Variants in GSTCD observed in about 807,000 individuals in gnomAD.
GSTCD encodes glutathione S-transferase C-terminal domain-containing protein.
GSTCD carries 44 observed loss-of-function variants against 68.3 expected under a neutral mutation model. The observed-to-expected ratio is 0.64, with a 90% confidence interval of 0.51 to 0.83. The LOEUF is 0.83. GSTCD is among the 40% of genes least tolerant of loss of function. The pLI is 0.00. For missense variants in GSTCD, 739 were observed against 735.9 expected, an observed-to-expected ratio of 1.00 and a Z score of -0.05; for synonymous variants, 273 against 255.2, an observed-to-expected ratio of 1.07 and a Z score of -0.67.
chr4:105,748,646 A>C (rs369132055), intron 5 of GSTCD, among the ~76,000 whole-genome samples: 5 of 152,086 alleles, frequency 3.3e-5, no homozygotes, highest in African/African-American at 1.2e-4. Flanking sequence ...CATGTTTGCT[A>C]TTTGCTTAAT....
chr4:105,759,381 C>A (rs983553116), intron 5 of GSTCD, among the ~76,000 whole-genome samples: 19 of 152,170 alleles, frequency 1.2e-4, no homozygotes, highest in Non-Finnish European at 2.2e-4. Context: ...GATGATAGTT[C>A]AAGTGAACCC....
At chr4:105,842,805 A>G (rs530337123) in intron 11 of GSTCD, among the ~76,000 whole-genome samples, 3 of 152,276 alleles carry the variant, frequency 2.0e-5, no homozygotes, top group East Asian at 3.9e-4. Context: ...TTTTAATGAT[A>G]AGAAAACTGA....
At chr4:105,787,822 A>G (rs558593122) in intron 5 of GSTCD, among the ~76,000 whole-genome samples, 46 of 152,202 alleles carry the variant, frequency 3.0e-4, no homozygotes, top group African/African-American at 9.4e-4. Context: ...ACAAATTTTC[A>G]AGAATATAGA....
chr4:105,783,950 A>G (rs1364331101), intron 5 of GSTCD, among the ~76,000 whole-genome samples: 2 of 152,204 alleles, frequency 1.3e-5, no homozygotes, highest in Non-Finnish European at 2.9e-5. Flanking sequence ...TTAGATTCAT[A>G]TTATGGATTT....
At chr4:105,747,660 TATAAGA>T (rs1267108579) in intron 5 of GSTCD, among the ~76,000 whole-genome samples, 1 of 152,204 alleles carries the variant, frequency 6.6e-6, no homozygotes, top group East Asian at 1.9e-4. Flanking sequence ...ATTTGCTAAC[TATAAGA>T]ATGTCTATTT....
At position 105,845,529 on chromosome 4, in the gene GSTCD, A is replaced by G; in HGVS notation, c.1854A>G (p.Pro618=). 1 of 1,614,128 alleles carries G rather than the reference A, an allele frequency of 6.2e-7. No individual in the cohort carries two copies. The highest frequency in any genetic ancestry group is 2.2e-5 in the East Asian group (1 of 44,890). ...GYSVQVISME[P]ESCSPKNNMI... is the part of the protein sequence containing the mutation. ...CCGTTCAAGTGATATCCATGGAGCC[A>G]GAGAGCTGCTCTCCCAAAAATAACA... Residue 618 remains proline (P), a synonymous_variant, in exon 12 of 12, where the codon CCA becomes CCG. Coordinates refer to ENST00000515279, the MANE Select transcript of GSTCD (RefSeq NM_001370181.1).
chr4:105,807,815 C>G (rs1722580720), intron 5 of GSTCD, among the ~76,000 whole-genome samples: 1 of 152,016 alleles, frequency 6.6e-6, no homozygotes, highest in Non-Finnish European at 1.5e-5. Context: ...TACCGGTTTC[C>G]CTTTGTAATA....
intron 5 of GSTCD, among the ~76,000 whole-genome samples, chr4:105,758,663 T>C (rs563535886): frequency 6.6e-6 from 1 of 152,282 alleles, no homozygotes; most frequent in African/African-American, 2.4e-5. Context: ...TTCTTTATAG[T>C]AGTGCAAGAA....
chr4:105,734,574 A>C (rs1008595839), intron 5 of GSTCD, among the ~76,000 whole-genome samples: 6 of 152,114 alleles, frequency 3.9e-5, no homozygotes, highest in Non-Finnish European at 5.9e-5. Context: ...TGGTTATTCT[A>C]GTTAGCCATT....
rs140310064 is a variant in GSTCD, at chr4:105,799,308, G to C, written c.1241-23646G>C. 2.3e-3 allele frequency among the ~76,000 whole-genome samples: 352 copies of C among 152,208 alleles called. 1 individual carries two copies. The highest frequency in any genetic ancestry group is 8.3e-3 in the African/African-American group (344 of 41,528). On this transcript the variant is annotated intron_variant, in intron 5 of 11. Coordinates refer to ENST00000515279, the MANE Select transcript of GSTCD (RefSeq NM_001370181.1). ...CTTATCATTCATGTATTCACTAAAGGAGCGTTTTTAATTTCCTTCAAGAAC... is the reference window on the plus strand; with the variant it reads ...CTTATCATTCATGTATTCACTAAAGCAGCGTTTTTAATTTCCTTCAAGAAC...
chr4:105,845,748 T>G lies in GSTCD; in HGVS notation c.*171T>G. 6 of 626,210 alleles carry G rather than the reference T, an allele frequency of 9.6e-6. No homozygotes were observed. The highest frequency in any genetic ancestry group is 1.7e-5 in the Non-Finnish European group (6 of 361,864). 38.8% of individuals were successfully genotyped at this position (626,210 alleles called of 1,614,324 possible). A position where few individuals can be genotyped will look rare whatever the true frequency, so the allele number is the denominator to read the frequency against. ...GGAAGTAAAGGCTCCCTGCAAAGCA[T>G]CACAAATGCTTTACAATGTGTGATT... On this transcript the variant is annotated 3_prime_UTR_variant, in exon 12 of 12. Coordinates refer to ENST00000515279, the MANE Select transcript of GSTCD (RefSeq NM_001370181.1).
chr4:105,766,531 A>G (rs566174685), intron 5 of GSTCD, among the ~76,000 whole-genome samples: 2 of 152,352 alleles, frequency 1.3e-5, no homozygotes, highest in East Asian at 1.9e-4. Flanking sequence ...TGATTGGCAT[A>G]GATACTTAGA....
chr4:105,736,377 T>A (rs947217159), intron 5 of GSTCD, among the ~76,000 whole-genome samples: 1 of 152,040 alleles, frequency 6.6e-6, no homozygotes, highest in African/African-American at 2.4e-5. Context: ...TTATATTTGC[T>A]TATACCTACT....
chr4:105,755,946 C>T (rs1156823589), intron 5 of GSTCD, among the ~76,000 whole-genome samples: 4 of 150,156 alleles, frequency 2.7e-5, no homozygotes, highest in African/African-American at 5.1e-5. Flanking sequence ...GATATGGGTA[C>T]ATGGTTCCCA....
intron 5 of GSTCD, among the ~76,000 whole-genome samples, chr4:105,771,367 A>T (rs1160052621): frequency 1.3e-5 from 2 of 151,992 alleles, no homozygotes; most frequent in African/African-American, 4.8e-5. Context: ...AAAGCTCTTT[A>T]GTTTAATTAA....
Position 105,825,715 on chromosome 4 carries a change from A to G in GSTCD, c.1445A>G (p.Lys482Arg). The change falls in exon 8 of 12, where the codon AAG becomes AGG. Residue 482 changes from lysine (K) to arginine (R), a missense_variant. Lys to Arg is a conservative substitution (Grantham distance 26, BLOSUM62 2). Transcript: ENST00000515279. Reference protein sequence around the residue: ...ENKELSLIRAKKRSDELGLSN... With the variant: ...ENKELSLIRARKRSDELGLSN... The stretch of plus-strand genomic sequence containing the variant: ...AAGGAATTATCATTAATTCGTGCTA[A>G]GAAGAGAAGTGATGAACTGGGTTTA... 1 of 1,526,226 alleles carries G rather than the reference A, an allele frequency of 6.6e-7. No homozygotes were observed. 94.5% of individuals were successfully genotyped at this position (1,526,226 alleles called of 1,614,324 possible).
At chr4:105,795,402 A>G (rs1298925426) in intron 5 of GSTCD, among the ~76,000 whole-genome samples, 1 of 151,004 alleles carries the variant, frequency 6.6e-6, no homozygotes, top group Non-Finnish European at 1.5e-5. Flanking sequence ...AGTATTTTTT[A>G]TTTTTAGGTG....
chr4:105,713,694 T>C (rs1732603789), intron 1 of GSTCD, among the ~76,000 whole-genome samples: 1 of 152,142 alleles, frequency 6.6e-6, no homozygotes, highest in African/African-American at 2.4e-5. Context: ...ATGTAATATT[T>C]AAAACTTTAT....
At chr4:105,833,362 C>G (rs1426906642) in intron 8 of GSTCD, among the ~76,000 whole-genome samples, 7 of 151,888 alleles carry the variant, frequency 4.6e-5, no homozygotes, top group Admixed American at 4.6e-4. Flanking sequence ...ACTCGGGAGG[C>G]TGAGGCAGAA....
Sources: gnomAD v4.1 joint callset for allele counts (sites outside exome capture counted in the v4.1 genomes callset) on GRCh38, gnomAD v4.1.1 for gene constraint, MANE v1.5 for transcripts, NCBI Gene and HGNC (gene_info 2026-07-23, HGNC 2026-07-21) for gene names.